KCNJ6: variants seen among roughly 807,000 people sequenced by gnomAD.
KCNJ6 encodes the protein potassium inwardly rectifying channel subfamily J member 6.
A neutral mutation model predicts 34.2 loss-of-function variants in KCNJ6; 9 were observed. That is an observed-to-expected ratio of 0.26 (90% CI 0.16 to 0.46). The LOEUF (loss-of-function observed/expected upper bound fraction) is 0.46, where lower values mean the gene tolerates loss of function less well. Ranked by LOEUF, KCNJ6 falls within the 20% of genes least tolerant of loss-of-function variation. The pLI, the probability that KCNJ6 is intolerant of heterozygous loss-of-function variation, is 1.00. For synonymous variants in KCNJ6, 196 were observed against 207.1 expected (o/e 0.95, Z 0.46); for missense variants, 236 against 531.3 (o/e 0.44, Z 5.46).
rs139867973 is a variant in KCNJ6 at position 37,785,235 on chromosome 21, TA to T, written c.25+55422del. 9.5e-3 allele frequency among the ~76,000 whole-genome samples: 1,441 copies of T among 152,326 alleles called. 10 individuals carry two copies. The highest frequency in any genetic ancestry group is 0.015 in the Non-Finnish European group (1,047 of 68,012). Reference sequence around the variant, plus strand: ...ACCTGAGGCTTCAGGTTATCACTGTTAATGTGACTTTTTGTGCCCAAGAAGT... The same window carrying T: ...ACCTGAGGCTTCAGGTTATCACTGTTATGTGACTTTTTGTGCCCAAGAAGT... On this transcript the variant is annotated intron_variant, in intron 2 of 3. Coordinates refer to ENST00000609713, the MANE Select transcript of KCNJ6 (RefSeq NM_002240.5).
chr21:37,782,099 C>CAG (rs762398164), intron 2 of KCNJ6, among the ~76,000 whole-genome samples: 3 of 151,980 alleles, frequency 2.0e-5, no homozygotes, highest in East Asian at 3.9e-4. Context: ...GAGTTAGTGT[C>CAG]AGAGAGAGAC....
intron 2 of KCNJ6, among the ~76,000 whole-genome samples, chr21:37,761,175 G>A (rs1389570813): frequency 6.6e-6 from 1 of 151,066 alleles, no homozygotes; most frequent in African/African-American, 2.4e-5. Context: ...TGTGTGTTGT[G>A]TGTGCATGTG....
intron 2 of KCNJ6, among the ~76,000 whole-genome samples, chr21:37,777,334 C>T (rs2055147276): frequency 1.3e-5 from 2 of 152,166 alleles, no homozygotes; most frequent in African/African-American, 4.8e-5. Flanking sequence ...TCCCCTGCCC[C>T]TATCTGCTCT....
chr21:37,747,548 A>T (rs1392271959), intron 2 of KCNJ6, among the ~76,000 whole-genome samples: 1 of 152,244 alleles, frequency 6.6e-6, no homozygotes, highest in Non-Finnish European at 1.5e-5. Context: ...GTTGCTAATC[A>T]GCTGACCTTC....
At chr21:37,683,852 AGC>A (rs774198118) in intron 3 of KCNJ6, among the ~76,000 whole-genome samples, 1 of 152,116 alleles carries the variant, frequency 6.6e-6, no homozygotes, top group Non-Finnish European at 1.5e-5. Context: ...TCCCTTCTGC[AGC>A]GGGGGTGAGC....
At chr21:37,743,047 G>C (rs1386864823) in intron 2 of KCNJ6, among the ~76,000 whole-genome samples, 1 of 152,150 alleles carries the variant, frequency 6.6e-6, no homozygotes, top group Non-Finnish European at 1.5e-5. Context: ...CTGGAAGCCT[G>C]CCAGAGAGCT....
At chr21:37,874,961 C>T (rs2055670473) in intron 1 of KCNJ6, among the ~76,000 whole-genome samples, 2 of 152,184 alleles carry the variant, frequency 1.3e-5, no homozygotes, top group South Asian at 4.1e-4. Context: ...CCACGGTAGT[C>T]CTTTCAAAAC....
At chr21:37,833,173 C>T (rs901365966) in intron 2 of KCNJ6, among the ~76,000 whole-genome samples, 1 of 152,104 alleles carries the variant, frequency 6.6e-6, no homozygotes, top group Non-Finnish European at 1.5e-5. Context: ...TGCCAACATG[C>T]CCAGCTAATT....
At chr21:37,656,217 T>G (rs918281338) in intron 3 of KCNJ6, among the ~76,000 whole-genome samples, 4 of 152,208 alleles carry the variant, frequency 2.6e-5, no homozygotes, top group Admixed American at 2.6e-4. Context: ...AGATGCTGAC[T>G]CCTGGCTCTA....
intron 2 of KCNJ6, chr21:37,719,516 C>T (rs1389595973): frequency 6.6e-6 from 1 of 152,144 alleles, no homozygotes; most frequent in East Asian, 1.9e-4. Flanking sequence ...GGGGTACACC[C>T]TCTGTTAACC....
intron 1 of KCNJ6, among the ~76,000 whole-genome samples, chr21:37,849,135 C>T (rs1019996991): frequency 4.6e-5 from 7 of 152,186 alleles, no homozygotes; most frequent in African/African-American, 9.6e-5. Flanking sequence ...AGCCCATGCC[C>T]GTGGTGGACA....
intron 1 of KCNJ6, among the ~76,000 whole-genome samples, chr21:37,898,499 T>C (rs1010762213): frequency 1.0e-4 from 15 of 147,066 alleles, no homozygotes; most frequent in African/African-American, 3.8e-4. Flanking sequence ...GAAGAATAGC[T>C]AGAACCCAGG....
chr21:37,822,046 A>C (rs2123554706), intron 2 of KCNJ6, among the ~76,000 whole-genome samples: 1 of 152,320 alleles, frequency 6.6e-6, no homozygotes, highest in Non-Finnish European at 1.5e-5. Flanking sequence ...TGTTTGTTAA[A>C]ATAAGTATTT....
intron 1 of KCNJ6, among the ~76,000 whole-genome samples, chr21:37,868,312 C>G (rs2055633309): frequency 6.6e-6 from 1 of 152,206 alleles, no homozygotes; most frequent in African/African-American, 2.4e-5. Context: ...GAGATTTGTA[C>G]TGTCTGGAAT....
intron 2 of KCNJ6, among the ~76,000 whole-genome samples, chr21:37,836,890 T>C (rs542045884): frequency 2.0e-5 from 3 of 152,166 alleles, no homozygotes; most frequent in Admixed American, 1.3e-4. Context: ...AAGTATTATA[T>C]ATAAAAAAAG....
At chr21:37,886,019 G>C (rs2055733848) in intron 1 of KCNJ6, among the ~76,000 whole-genome samples, 1 of 152,100 alleles carries the variant, frequency 6.6e-6, no homozygotes, top group African/African-American at 2.4e-5. Context: ...TTATCTCTTG[G>C]TGGATAAAAT....
At chr21:37,716,684 T>C (rs1033885207) in intron 2 of KCNJ6, among the ~76,000 whole-genome samples, 1 of 152,190 alleles carries the variant, frequency 6.6e-6, no homozygotes, top group Non-Finnish European at 1.5e-5. Context: ...TGTCTAGTTA[T>C]GTTGTTTCTT....
chr21:37,845,997 A>G (rs1445999838), intron 1 of KCNJ6, among the ~76,000 whole-genome samples: 5 of 152,166 alleles, frequency 3.3e-5, no homozygotes, highest in Non-Finnish European at 5.9e-5. Context: ...ATGATGATAT[A>G]TTTGAGTAAA....
intron 1 of KCNJ6, among the ~76,000 whole-genome samples, chr21:37,915,357 G>T (rs1211640748): frequency 6.6e-6 from 1 of 152,160 alleles, no homozygotes; most frequent in Non-Finnish European, 1.5e-5. Flanking sequence ...TAAGGATAGA[G>T]AACAGTTAGG....
Sources: allele counts gnomAD v4.1 joint callset (sites outside exome capture counted in the v4.1 genomes callset), GRCh38; gene constraint gnomAD v4.1.1; transcripts MANE v1.5; gene names NCBI Gene and HGNC (gene_info 2026-07-23, HGNC 2026-07-21).